The following PALM variants were observed in gnomAD, a reference collection of about 807,000 sequenced individuals.
PALM encodes paralemmin-1.
PALM carries 18 observed loss-of-function variants against 30.7 expected under a neutral mutation model. The observed-to-expected ratio is 0.59, with a 90% CI of 0.41 to 0.87. PALM has a LOEUF of 0.87. PALM is among the 40% of genes least tolerant of loss of function. The probability of loss-of-function intolerance (pLI) is 0.00; values close to 1 mark genes in which losing one functional copy is unlikely to be tolerated. For synonymous variants in PALM, 286 were observed against 242.8 expected (o/e 1.18, Z -1.66); for missense variants, 529 against 555.4 (o/e 0.95, Z 0.48).
chr19:712,800 C>T (rs531837546), intron 1 of PALM, among the ~76,000 whole-genome samples: 47 of 152,064 alleles, frequency 3.1e-4, no homozygotes, highest in African/African-American at 9.6e-4. Context: ...CTCAGCCTCC[C>T]GAGTAGCTGG....
At position 746,912 on chromosome 19, in the gene PALM, G is replaced by C; in HGVS notation, c.*98G>C. On this transcript the variant is annotated 3_prime_UTR_variant, in exon 9 of 9. Coordinates refer to ENST00000338448, the MANE Select transcript of PALM (RefSeq NM_002579.3). The surrounding 1 kb of genome is among the most constrained non-coding windows in gnomAD (Gnocchi z 7.1). ...CCACCCTCCACCCACAGCCTCACGG[G>C]TCCAGGACTTGGCGTGTTGTTACAT... 1.4e-6 allele frequency: 1 copy of C among 695,120 alleles called. No individual in the cohort carries two copies. Among genetic ancestry groups the C allele is most frequent in the Non-Finnish European group, 2.4e-6 (1 of 422,916 alleles). The allele number at this position is 695,120 out of a possible 1,614,324, so 43.1% of individuals were successfully genotyped here.
At chr19:711,778 G>A (rs1414189728) in intron 1 of PALM, among the ~76,000 whole-genome samples, 1 of 152,144 alleles carries the variant, frequency 6.6e-6, no homozygotes, top group African/African-American at 2.4e-5. Context: ...ATACTGTCCA[G>A]GAGGTGGCGG....
intron 1 of PALM, among the ~76,000 whole-genome samples, chr19:725,242 G>A (rs1258307428): frequency 6.6e-6 from 1 of 151,910 alleles, no homozygotes; most frequent in Non-Finnish European, 1.5e-5. Context: ...GGCTACAGCT[G>A]CACTGGGTGG....
intron 1 of PALM, among the ~76,000 whole-genome samples, chr19:721,334 C>G (rs190425508): frequency 6.6e-6 from 1 of 152,074 alleles, no homozygotes; most frequent in Non-Finnish European, 1.5e-5. Context: ...GGCACGATCT[C>G]GGCTCACTGC....
chr19:728,478 G>T (rs1201329230), intron 4 of PALM, among the ~76,000 whole-genome samples: 1 of 152,204 alleles, frequency 6.6e-6, no homozygotes, highest in Admixed American at 6.5e-5. Flanking sequence ...CGTTGGGGGT[G>T]TTCGGGATGG....
At chr19:733,245 G>A (rs113989526) in intron 5 of PALM, among the ~76,000 whole-genome samples, 92 of 152,202 alleles carry the variant, frequency 6.0e-4, no homozygotes, top group African/African-American at 2.1e-3. Context: ...GGTTTTGAAG[G>A]TTGAATAGGA....
At chr19:739,844 C>T (rs1416112876) in intron 7 of PALM, among the ~76,000 whole-genome samples, 1 of 152,138 alleles carries the variant, frequency 6.6e-6, no homozygotes, top group African/African-American at 2.4e-5. Flanking sequence ...GGCGTGGTGG[C>T]GGGCGCCTGT....
intron 1 of PALM, among the ~76,000 whole-genome samples, chr19:724,508 C>CGGG (rs1206581024): frequency 6.6e-6 from 1 of 151,878 alleles, no homozygotes; most frequent in Non-Finnish European, 1.5e-5. Context: ...TTAGTAGAGA[C>CGGG]GGGGGTTTCA....
intron 7 of PALM, among the ~76,000 whole-genome samples, chr19:737,072 G>C (rs1352923195): frequency 1.3e-5 from 2 of 152,214 alleles, no homozygotes; most frequent in African/African-American, 2.4e-5. Flanking sequence ...CAGCAAGGCA[G>C]GGAGGTGAAG....
intron 3 of PALM, 126 bp downstream of exon 3, chr19:727,214 G>A: frequency 4.6e-6 from 3 of 649,282 alleles, no homozygotes; most frequent in Non-Finnish European, 8.0e-6. Context: ...CTCCAGCCCT[G>A]ACCCTGACCC....
chr19:711,243 G>A (rs776847604), intron 1 of PALM: 3 of 944,270 alleles, frequency 3.2e-6, no homozygotes, highest in Non-Finnish European at 3.8e-6. Context: ...TCTCTGCTTC[G>A]GAGAGAATCT....
intron 8 of PALM, among the ~76,000 whole-genome samples, chr19:740,897 G>C (rs1321970885): frequency 6.6e-6 from 1 of 151,700 alleles, no homozygotes; most frequent in Non-Finnish European, 1.5e-5. Context: ...TTGGGAGGCC[G>C]AGGGAGGAGG....
chr19:740,968 C>CA (rs60937470), intron 8 of PALM, among the ~76,000 whole-genome samples: 4,984 of 93,628 alleles, frequency 0.053, 260 homozygotes, highest in African/African-American at 0.15. Flanking sequence ...CCGTCTCTAC[C>CA]AAAAAAAAAA....
chr19:713,701 C>A (rs1198432326), intron 1 of PALM, among the ~76,000 whole-genome samples: 1 of 151,942 alleles, frequency 6.6e-6, no homozygotes, highest in Non-Finnish European at 1.5e-5. Flanking sequence ...GCCTCAGCCT[C>A]CCAAGCCGCT....
intron 7 of PALM, 31 bp from the exon 8 acceptor site, chr19:740,321 C>G: frequency 6.5e-7 from 1 of 1,535,506 alleles, no homozygotes; most frequent in Non-Finnish European, 8.8e-7. Flanking sequence ...GGCGGGCAGG[C>G]CGTGGTGTAA....
At chr19:715,061 C>T (rs954639906) in intron 1 of PALM, among the ~76,000 whole-genome samples, 3 of 152,156 alleles carry the variant, frequency 2.0e-5, no homozygotes, top group Admixed American at 6.5e-5. Context: ...GTCAGGAGTT[C>T]GAGACCAGCC....
At chr19:712,504 C>A (rs771605025) in intron 1 of PALM, among the ~76,000 whole-genome samples, 1 of 151,822 alleles carries the variant, frequency 6.6e-6, no homozygotes, top group East Asian at 1.9e-4. Context: ...CTGCCTCAGC[C>A]TCCCGAGTAG....
chr19:745,948 C>T (rs1446873751), intron 8 of PALM, among the ~76,000 whole-genome samples: 5 of 152,120 alleles, frequency 3.3e-5, no homozygotes, highest in Admixed American at 3.3e-4. Flanking sequence ...GTCCCAGCTA[C>T]TCAGGAGGCT....
At chr19:721,704 T>C (rs954181400) in intron 1 of PALM, among the ~76,000 whole-genome samples, 29 of 150,284 alleles carry the variant, frequency 1.9e-4, no homozygotes, top group African/African-American at 7.1e-4. Context: ...TTCAAGTGAT[T>C]CTCCTGCCTC....
Sources: gnomAD v4.1 joint callset for allele counts (sites outside exome capture counted in the v4.1 genomes callset) on GRCh38, gnomAD v4.1.1 for gene constraint, Gnocchi (gnomAD v3.1) non-coding constraint, MANE v1.5 for transcripts, NCBI Gene and HGNC (gene_info 2026-07-23, HGNC 2026-07-21) for gene names.